KIAA1217: variants seen among roughly 807,000 people sequenced by gnomAD.
KIAA1217 encodes sickle tail protein homolog.
In KIAA1217, 88 loss-of-function variants were observed where a neutral mutation model predicts 163.9. The observed-to-expected ratio is 0.54, with a 90% CI of 0.45 to 0.64. The LOEUF is 0.64. Among genes scored for constraint, KIAA1217 ranks in the 30% least tolerant of loss-of-function variants. The pLI is 0.00. For missense variants in KIAA1217, 2,372 were observed against 2,475.0 expected, an observed-to-expected ratio of 0.96 and a Z score of 0.88; for synonymous variants, 903 against 923.1, an observed-to-expected ratio of 0.98 and a Z score of 0.39.
intron 2 of KIAA1217, among the ~76,000 whole-genome samples, chr10:24,068,721 A>T (rs896705109): frequency 3.3e-5 from 5 of 152,158 alleles, no homozygotes; most frequent in Admixed American, 3.3e-4. Context: ...AGAGTATATC[A>T]GATCTCATTA....
At chr10:23,964,140 G>A (rs540996681) in intron 1 of KIAA1217, among the ~76,000 whole-genome samples, 33 of 152,002 alleles carry the variant, frequency 2.2e-4, no homozygotes, top group Admixed American at 2.1e-3. Context: ...TTGACTTCAT[G>A]ATCCACCCGC....
chr10:23,796,137 A>G (rs1836191141), intron 1 of KIAA1217, among the ~76,000 whole-genome samples: 2 of 152,084 alleles, frequency 1.3e-5, no homozygotes, highest in African/African-American at 4.8e-5. Flanking sequence ...CTTACATGCC[A>G]TGCAAAGATT....
chr10:24,396,985 G>T (rs1322870498), intron 3 of KIAA1217, among the ~76,000 whole-genome samples: 1 of 152,114 alleles, frequency 6.6e-6, no homozygotes, highest in Non-Finnish European at 1.5e-5. Context: ...GAAGATGGGA[G>T]TGTTAGCAGA....
At chr10:23,906,647 A>G (rs1228784140) in intron 1 of KIAA1217, among the ~76,000 whole-genome samples, 1 of 152,088 alleles carries the variant, frequency 6.6e-6, no homozygotes, top group Non-Finnish European at 1.5e-5. Context: ...TAAATCCCCA[A>G]CATGCATTTG....
At chr10:24,521,148 A>G (rs2071215196) in intron 11 of KIAA1217, among the ~76,000 whole-genome samples, 1 of 151,304 alleles carries the variant, frequency 6.6e-6, no homozygotes, top group Non-Finnish European at 1.5e-5. Context: ...AGCCTAGCCA[A>G]CAGAGTAAAA....
chr10:23,803,831 C>G (rs1256806035), intron 1 of KIAA1217, among the ~76,000 whole-genome samples: 1 of 152,052 alleles, frequency 6.6e-6, no homozygotes, highest in African/African-American at 2.4e-5. Context: ...GATGAAATGA[C>G]CATGAGAATG....
chr10:23,886,244 T>C (rs1841167081), intron 1 of KIAA1217, among the ~76,000 whole-genome samples: 1 of 151,956 alleles, frequency 6.6e-6, no homozygotes, highest in African/African-American at 2.4e-5. Context: ...TTGCTAACTG[T>C]GTGGATGTTA....
At chr10:24,334,976 A>G (rs1185941507) in intron 2 of KIAA1217, among the ~76,000 whole-genome samples, 1 of 152,262 alleles carries the variant, frequency 6.6e-6, no homozygotes, top group East Asian at 1.9e-4. Flanking sequence ...ACAAAAACTC[A>G]TACATGAATG....
At chr10:24,466,836 C>T (rs2063002349) in intron 5 of KIAA1217, 1 of 971,170 alleles carries the variant, frequency 1.0e-6, no homozygotes, top group African/African-American at 1.8e-5. Flanking sequence ...TCTTAAGATT[C>T]CATTTCAGTT....
chr10:24,217,576 A>G (rs1384555338), intron 1 of KIAA1217, among the ~76,000 whole-genome samples: 1 of 152,200 alleles, frequency 6.6e-6, no homozygotes. Flanking sequence ...CTGCCCAACC[A>G]ACGGGCATCT....
chr10:24,218,608 C>A (rs1414364109), intron 1 of KIAA1217, among the ~76,000 whole-genome samples: 1 of 151,990 alleles, frequency 6.6e-6, no homozygotes, highest in East Asian at 1.9e-4. Context: ...CCTGCCTCAG[C>A]CTCCCGAGTA....
chr10:24,271,268 C>G (rs922732032), intron 2 of KIAA1217, among the ~76,000 whole-genome samples: 1 of 152,056 alleles, frequency 6.6e-6, no homozygotes, highest in African/African-American at 2.4e-5. Flanking sequence ...GAGTAAGAAA[C>G]TCAGTAACAT....
intron 1 of KIAA1217, among the ~76,000 whole-genome samples, chr10:23,835,418 A>G (rs1216374547): frequency 2.0e-5 from 3 of 152,008 alleles, no homozygotes; most frequent in African/African-American, 7.2e-5. Context: ...TTTGAGGCAT[A>G]TTTATTCCCA....
intron 2 of KIAA1217, among the ~76,000 whole-genome samples, chr10:24,092,081 C>G (rs190337446): frequency 1.3e-5 from 2 of 151,730 alleles, no homozygotes; most frequent in Non-Finnish European, 2.9e-5. Flanking sequence ...CTTCTCTTTC[C>G]CTTATCTCCA....
intron 5 of KIAA1217, among the ~76,000 whole-genome samples, chr10:24,453,270 C>CTATT (rs1193465689): frequency 2.0e-5 from 3 of 147,318 alleles, no homozygotes; most frequent in Non-Finnish European, 4.5e-5. Flanking sequence ...ATTTGACTAT[C>CTATT]TATTTGACTT....
At chr10:24,202,395 C>T (rs1482414615) in intron 2 of KIAA1217, among the ~76,000 whole-genome samples, 1 of 152,078 alleles carries the variant, frequency 6.6e-6, no homozygotes, top group African/African-American at 2.4e-5. Flanking sequence ...GGGGAGAGAG[C>T]GGTCAGGAAA....
At chr10:24,422,581 G>A (rs1591800072) in intron 3 of KIAA1217, among the ~76,000 whole-genome samples, 1 of 152,154 alleles carries the variant, frequency 6.6e-6, no homozygotes, top group African/African-American at 2.4e-5. Context: ...GGGACAAGAA[G>A]ACCTATTTGG....
intron 2 of KIAA1217, among the ~76,000 whole-genome samples, chr10:24,293,336 G>A (rs1393139886): frequency 6.6e-6 from 1 of 152,196 alleles, no homozygotes; most frequent in Non-Finnish European, 1.5e-5. Context: ...CTCCCAAAGT[G>A]CTGGGATTAC....
Position 24,187,375 on chromosome 10 carries a change from T to C in KIAA1217, c.-170-32251T>C, listed in dbSNP as rs1049203834. 2.6e-5 allele frequency among the ~76,000 whole-genome samples: 4 copies of C among 152,346 alleles called. No homozygotes were observed. The East Asian group carries it at 7.7e-4, about 29-fold the overall frequency. ...CCAGGTCATTTATTTCCTTTCTCAG[T>C]TCAGAGGGTCCGGCTTCCAAAAAAT... On this transcript the variant is annotated intron_variant, in intron 2 of 18. Coordinates refer to the KIAA1217 transcript ENST00000376462.
Sources: gnomAD v4.1 joint callset for allele counts (sites outside exome capture counted in the v4.1 genomes callset) on GRCh38, gnomAD v4.1.1 for gene constraint, MANE v1.5 for transcripts, NCBI Gene and HGNC (gene_info 2026-07-23, HGNC 2026-07-21) for gene names.